Variants in STT3B observed in about 807,000 individuals in gnomAD.
STT3B encodes the protein STT3 oligosaccharyltransferase complex catalytic subunit B.
Under a neutral mutation model 96.8 loss-of-function variants are expected in STT3B, and 29 were observed. The observed-to-expected ratio is 0.30, with a 90% CI of 0.22 to 0.41. The LOEUF (loss-of-function observed/expected upper bound fraction) is 0.41, where lower values mean the gene tolerates loss of function less well. STT3B is among the 10% of genes least tolerant of loss of function. The probability of loss-of-function intolerance (pLI) is 1.00; values close to 1 mark genes in which losing one functional copy is unlikely to be tolerated. For missense variants in STT3B, 640 were observed against 1,022.3 expected, an observed-to-expected ratio of 0.63 and a Z score of 5.10; for synonymous variants, 367 against 360.0, an observed-to-expected ratio of 1.02 and a Z score of -0.22.
At chr3:31,629,716 TCTC>T (rs935956030) in intron 14 of STT3B, among the ~76,000 whole-genome samples, 1 of 152,194 alleles carries the variant, frequency 6.6e-6, no homozygotes, top group Non-Finnish European at 1.5e-5. Flanking sequence ...CAAGAAGAGT[TCTC>T]CTAGCTAGGA....
intron 1 of STT3B, among the ~76,000 whole-genome samples, chr3:31,559,151 GTGTGTGTGTGT>G: frequency 3.4e-5 from 2 of 58,146 alleles, no homozygotes; most frequent in African/African-American, 2.5e-4. Flanking sequence ...CTTGGGGTGT[GTGTGTGTGTGT>G]GTGTGTGTGT....
Position 31,622,323 on chromosome 3 carries a change from G to T in STT3B, c.1539+15G>T, listed in dbSNP as rs1057184599. 1 of 1,604,250 alleles carries T rather than the reference G, an allele frequency of 6.2e-7. No homozygotes were observed. The highest frequency in any genetic ancestry group is 8.5e-7 in the Non-Finnish European group (1 of 1,171,564). Reference sequence around the variant, plus strand: ...TGTATGATAAGGTGGGGAATCTAAAGTAAGGCCTTTAAATTGTCTATGTCC... The same window carrying T: ...TGTATGATAAGGTGGGGAATCTAAATTAAGGCCTTTAAATTGTCTATGTCC... On this transcript the variant is annotated intron_variant, in intron 10 of 15. Coordinates refer to ENST00000295770, the MANE Select transcript of STT3B (RefSeq NM_178862.3).
intron 5 of STT3B, among the ~76,000 whole-genome samples, chr3:31,601,127 G>A (rs1488345403): frequency 1.3e-5 from 2 of 152,154 alleles, no homozygotes; most frequent in Non-Finnish European, 1.5e-5. Context: ...ATTTTCAAAA[G>A]CATAGTAGCT....
chr3:31,533,369 C>A, intron 1 of STT3B, 57 bp downstream of exon 1: 1 of 1,389,962 alleles, frequency 7.2e-7, no homozygotes, highest in Non-Finnish European at 9.4e-7. Flanking sequence ...GGGACCCGCT[C>A]CTCCGCCCGC....
chr3:31,614,068 A>G (rs1008415812), intron 5 of STT3B, among the ~76,000 whole-genome samples: 14 of 151,884 alleles, frequency 9.2e-5, no homozygotes, highest in African/African-American at 2.7e-4. Context: ...CCTTCTCTAG[A>G]TGGATTTCTT....
chr3:31,600,164 G>A (rs1172836073), intron 4 of STT3B, among the ~76,000 whole-genome samples, 196 bp from the exon 5 acceptor site: 1 of 152,042 alleles, frequency 6.6e-6, no homozygotes, highest in African/African-American at 2.4e-5. Flanking sequence ...TATTGGATTT[G>A]TGGGATCGTG....
chr3:31,570,072 A>G (rs1473063837), intron 1 of STT3B, among the ~76,000 whole-genome samples: 2 of 152,108 alleles, frequency 1.3e-5, no homozygotes, highest in Non-Finnish European at 2.9e-5. Flanking sequence ...TTTATGATTC[A>G]TCTATAACAC....
chr3:31,618,655 A>G (rs1699363595), intron 8 of STT3B, among the ~76,000 whole-genome samples: 1 of 152,022 alleles, frequency 6.6e-6, no homozygotes, highest in South Asian at 2.1e-4. Flanking sequence ...AATTTATTGA[A>G]CAGACATGCT....
chr3:31,619,579 T>G, intron 8 of STT3B, 97 bp from the exon 9 acceptor site: 1 of 958,392 alleles, frequency 1.0e-6, no homozygotes, highest in Non-Finnish European at 1.6e-6. Flanking sequence ...GGGTAGGGAG[T>G]AGGTACCATT....
chr3:31,609,509 C>G (rs1392835730), intron 5 of STT3B, among the ~76,000 whole-genome samples: 2 of 152,150 alleles, frequency 1.3e-5, no homozygotes, highest in Non-Finnish European at 2.9e-5. Context: ...GAACTTAAAC[C>G]AAGATGTACT....
chr3:31,605,240 T>C (rs1699025063), intron 5 of STT3B, among the ~76,000 whole-genome samples: 2 of 152,140 alleles, frequency 1.3e-5, no homozygotes, highest in African/African-American at 2.4e-5. Context: ...TTCACTCAAC[T>C]ATTTTTGGTT....
chr3:31,538,498 T>G lies in STT3B; in HGVS notation c.314+5186T>G, dbSNP rs527953904. ...AACTCTAAAGTGGTTAGATGGATAT[T>G]GATGTTGATGTTGGTTTTGTTAGGT... On this transcript the variant is annotated intron_variant, in intron 1 of 15. Coordinates refer to ENST00000295770, the MANE Select transcript of STT3B (RefSeq NM_178862.3). 5.9e-5 allele frequency among the ~76,000 whole-genome samples: 9 copies of G among 152,238 alleles called. No homozygotes were observed. The South Asian group carries it at 1.9e-3, about 32-fold the overall frequency.
intron 13 of STT3B, among the ~76,000 whole-genome samples, chr3:31,626,633 T>C (rs1166917510): frequency 6.6e-6 from 1 of 152,190 alleles, no homozygotes; most frequent in Non-Finnish European, 1.5e-5. Context: ...GGGCAAGTTA[T>C]TTTAGCAAGT....
chr3:31,559,862 G>T (rs1697828667), intron 1 of STT3B, among the ~76,000 whole-genome samples: 1 of 151,772 alleles, frequency 6.6e-6, no homozygotes, highest in South Asian at 2.1e-4. Context: ...TATATATCTG[G>T]GTGTTCCAGT....
chr3:31,535,878 A>G (rs1697079931), intron 1 of STT3B, among the ~76,000 whole-genome samples: 1 of 152,198 alleles, frequency 6.6e-6, no homozygotes, highest in South Asian at 2.1e-4. Flanking sequence ...TTTAATGTTG[A>G]CATTTCTTAA....
chr3:31,556,360 C>T (rs1364874165), intron 1 of STT3B, among the ~76,000 whole-genome samples: 3 of 152,178 alleles, frequency 2.0e-5, no homozygotes, highest in Non-Finnish European at 4.4e-5. Flanking sequence ...CTGTAGTAAA[C>T]GTGTGAACGC....
chr3:31,629,436 A>C, intron 14 of STT3B, 25 bp downstream of exon 14: 1 of 1,272,492 alleles, frequency 7.9e-7, no homozygotes, highest in Non-Finnish European at 1.1e-6. Flanking sequence ...TTTTTCTCTA[A>C]TTTTCATTCA....
At chr3:31,564,826 A>G (rs1193918603) in intron 1 of STT3B, among the ~76,000 whole-genome samples, 1 of 152,242 alleles carries the variant, frequency 6.6e-6, no homozygotes, top group Non-Finnish European at 1.5e-5. Flanking sequence ...AGAAACAATC[A>G]TACTTTAAAT....
intron 8 of STT3B, among the ~76,000 whole-genome samples, chr3:31,618,634 C>T (rs1699362970): frequency 6.6e-6 from 1 of 151,670 alleles, no homozygotes. Context: ...CCAGGTGGCT[C>T]AATAAAAAAC....
Sources: allele counts gnomAD v4.1 joint callset (sites outside exome capture counted in the v4.1 genomes callset), GRCh38; gene constraint gnomAD v4.1.1; transcripts MANE v1.5; gene names NCBI Gene and HGNC (gene_info 2026-07-23, HGNC 2026-07-21).